BIRC6: variants seen among roughly 807,000 people sequenced by gnomAD.
BIRC6 encodes the protein baculoviral IAP repeat containing 6.
In BIRC6, 98 loss-of-function variants were observed where a neutral mutation model predicts 503.3. That is an observed-to-expected ratio of 0.19 (90% CI 0.17 to 0.23). BIRC6 has a LOEUF of 0.23. Among genes scored for constraint, BIRC6 ranks in the 10% least tolerant of loss-of-function variants. The pLI is 1.00. For missense variants in BIRC6, 5,360 were observed against 5,806.0 expected, an observed-to-expected ratio of 0.92 and a Z score of 2.50; for synonymous variants, 2,240 against 2,078.7, an observed-to-expected ratio of 1.08 and a Z score of -2.11.
intron 61 of BIRC6, among the ~76,000 whole-genome samples, chr2:32,535,594 T>C (rs2057165533): frequency 6.6e-6 from 1 of 152,184 alleles, no homozygotes; most frequent in Admixed American, 6.5e-5. Context: ...CTGAGAAAGA[T>C]GGTTTCCAGC....
At chr2:32,587,815 T>C (rs1020165636) in intron 66 of BIRC6, among the ~76,000 whole-genome samples, 1 of 152,228 alleles carries the variant, frequency 6.6e-6, no homozygotes, top group Non-Finnish European at 1.5e-5. Context: ...CTTACTGTTT[T>C]CCTTTTACTC....
Position 32,611,484 on chromosome 2 carries a change from A to T in BIRC6, c.14296A>T (p.Ile4766Leu). The T allele has an allele frequency of 6.2e-7, 1 of 1,610,188 alleles. No individual in the cohort carries two copies. The highest frequency in any genetic ancestry group is 8.5e-7 in the Non-Finnish European group (1 of 1,177,634). ...ACATTTTTACTTGAAAAGAGTTGAG[A>T]TAATGGCCCAATGTGAGGAGTGGAT... ...HKHFYLKRVE[I>L]MAQCEEWIAD... The change falls in exon 73 of 74, where the codon ATA becomes TTA. Residue 4766 changes from isoleucine to leucine, a missense_variant. Around this residue, in one of 16 missense-constraint regions of BIRC6, gnomAD observed 140 missense variants for 130.2 expected, o/e 1.07. Coordinates refer to ENST00000421745, the MANE Select transcript of BIRC6 (RefSeq NM_016252.4).
intron 45 of BIRC6, among the ~76,000 whole-genome samples, chr2:32,496,428 T>A (rs1256117790): frequency 6.6e-6 from 1 of 152,172 alleles, no homozygotes; most frequent in East Asian, 1.9e-4. Flanking sequence ...TTTGCCATGT[T>A]GGCCAGGCTG....
intron 8 of BIRC6, among the ~76,000 whole-genome samples, chr2:32,403,495 A>G (rs574740803): frequency 6.6e-6 from 1 of 152,274 alleles, no homozygotes; most frequent in South Asian, 2.1e-4. Context: ...TGAATTAAGG[A>G]AGAAGATATG....
chr2:32,460,562 G>A (rs939828090), intron 23 of BIRC6, among the ~76,000 whole-genome samples: 3 of 151,636 alleles, frequency 2.0e-5, no homozygotes, highest in Non-Finnish European at 4.4e-5. Flanking sequence ...CAGGCATCAG[G>A]CACCATGCCT....
chr2:32,561,851 G>A (rs1008231785), intron 65 of BIRC6, among the ~76,000 whole-genome samples: 6 of 151,160 alleles, frequency 4.0e-5, no homozygotes, highest in African/African-American at 1.5e-4. Context: ...AGACCAGCCT[G>A]GCCAACATGG....
chr2:32,612,097 G>A (rs1334930963), intron 73 of BIRC6, among the ~76,000 whole-genome samples: 1 of 152,132 alleles, frequency 6.6e-6, no homozygotes, highest in African/African-American at 2.4e-5. Flanking sequence ...TCCTAGGCTA[G>A]GCTCAAGTGA....
At chr2:32,479,022 G>A (rs746079646) in intron 36 of BIRC6, among the ~76,000 whole-genome samples, 4 of 152,164 alleles carry the variant, frequency 2.6e-5, no homozygotes, top group Non-Finnish European at 5.9e-5. Flanking sequence ...CGCGATAAAT[G>A]CAAGGCTTTA....
chr2:32,444,886 C>T (rs1360668180), intron 20 of BIRC6, among the ~76,000 whole-genome samples: 3 of 152,194 alleles, frequency 2.0e-5, no homozygotes, highest in African/African-American at 7.2e-5. Flanking sequence ...CATTTTGACT[C>T]AGTTGCTCAT....
At chr2:32,367,357 G>T (rs1236602289) in intron 1 of BIRC6, among the ~76,000 whole-genome samples, 2 of 152,078 alleles carry the variant, frequency 1.3e-5, no homozygotes, top group Non-Finnish European at 2.9e-5. Flanking sequence ...AGCTATTCGG[G>T]AGGCTGAGGC....
chr2:32,607,728 A>C, intron 72 of BIRC6, 85 bp downstream of exon 72: 7 of 1,222,826 alleles, frequency 5.7e-6, no homozygotes, highest in Non-Finnish European at 7.8e-6. Flanking sequence ...CTGTAATCTC[A>C]GCACTTTGGG....
At chr2:32,388,458 A>G (rs2038792168) in intron 3 of BIRC6, among the ~76,000 whole-genome samples, 1 of 151,896 alleles carries the variant, frequency 6.6e-6, no homozygotes, top group African/African-American at 2.4e-5. Context: ...AATTCCTCCT[A>G]AGCTTCCCAA....
intron 57 of BIRC6, chr2:32,522,745 G>C (rs1401143519): frequency 1.3e-5 from 2 of 152,094 alleles, no homozygotes; most frequent in African/African-American, 4.8e-5. Flanking sequence ...GGGGTTGCTT[G>C]CCCTGCTACT....
chr2:32,467,715 A>G lies in BIRC6; in HGVS notation c.5547A>G (p.Pro1849=), dbSNP rs1177992902. 6.2e-7 allele frequency: 1 copy of G among 1,612,954 alleles called. No homozygotes were observed. The highest frequency in any genetic ancestry group is 2.2e-5 in the East Asian group (1 of 44,864). ...CACTAATTCTTCATGACTTAATACC[A>G]CCTCCCGTGTGCAGATTCATGAAGG... ...THSLILHDLI[P]PPVCRFMKIT... The change falls in exon 27 of 74, where the codon CCA becomes CCG. Residue 1849 remains proline (P), a synonymous_variant. Coordinates refer to ENST00000421745, the MANE Select transcript of BIRC6 (RefSeq NM_016252.4).
intron 9 of BIRC6, among the ~76,000 whole-genome samples, chr2:32,412,064 C>T (rs1426650739): frequency 1.3e-5 from 2 of 152,060 alleles, no homozygotes; most frequent in East Asian, 3.9e-4. Flanking sequence ...GGATTACAGG[C>T]ATGCACCACA....
At chr2:32,395,240 T>C (rs969140666) in intron 5 of BIRC6, among the ~76,000 whole-genome samples, 6 of 152,202 alleles carry the variant, frequency 3.9e-5, no homozygotes, top group African/African-American at 1.4e-4. Context: ...GATGCTTTAG[T>C]ATAGCAATGA....
chr2:32,472,216 A>G (rs1204531751), intron 32 of BIRC6, among the ~76,000 whole-genome samples: 1 of 152,050 alleles, frequency 6.6e-6, no homozygotes, highest in East Asian at 1.9e-4. Context: ...ATAGGCGTGT[A>G]CCACCACGCC....
chr2:32,568,074 T>C (rs959297822), intron 65 of BIRC6, among the ~76,000 whole-genome samples: 7 of 152,084 alleles, frequency 4.6e-5, no homozygotes, highest in Admixed American at 3.9e-4. Context: ...ATTGTGCCAC[T>C]GCACTCCAGA....
chr2:32,462,976 A>G (rs1244614573), intron 23 of BIRC6, among the ~76,000 whole-genome samples: 1 of 151,246 alleles, frequency 6.6e-6, no homozygotes, highest in Non-Finnish European at 1.5e-5. Context: ...AAAAAAAGTC[A>G]TTCCTGTATT....
Sources: gnomAD v4.1 joint callset for allele counts (sites outside exome capture counted in the v4.1 genomes callset) on GRCh38, gnomAD v4.1.1 for gene constraint, gnomAD v4.1.1 regional missense constraint, MANE v1.5 for transcripts, NCBI Gene and HGNC (gene_info 2026-07-23, HGNC 2026-07-21) for gene names.